The following RBFOX3 variants were observed in gnomAD, a reference collection of about 807,000 sequenced individuals.
RBFOX3 encodes the protein RNA binding fox-1 homolog 3.
A neutral mutation model predicts 48.7 loss-of-function variants in RBFOX3; 17 were observed. That is an observed-to-expected ratio of 0.35 (90% confidence interval 0.24 to 0.52). The LOEUF is 0.52. Ranked by LOEUF, RBFOX3 falls within the 20% of genes least tolerant of loss-of-function variation. The pLI, the probability that RBFOX3 is intolerant of heterozygous loss-of-function variation, is 0.94. For synonymous variants in RBFOX3, 212 were observed against 209.5 expected (o/e 1.01, Z -0.10); for missense variants, 382 against 497.5 (o/e 0.77, Z 2.21).
intron 2 of RBFOX3, among the ~76,000 whole-genome samples, chr17:79,374,337 G>A (rs2058958016): frequency 6.6e-6 from 1 of 152,218 alleles, no homozygotes; most frequent in East Asian, 1.9e-4. Flanking sequence ...GAGGGGGCTG[G>A]TGTGTGGGTG....
intron 3 of RBFOX3, among the ~76,000 whole-genome samples, chr17:79,253,596 A>G (rs527310141): frequency 1.3e-5 from 2 of 152,348 alleles, no homozygotes; most frequent in South Asian, 4.1e-4. Flanking sequence ...AGTGAGCAAC[A>G]GCCCTGAGTT....
chr17:79,505,803 G>A (rs963882609), intron 1 of RBFOX3, among the ~76,000 whole-genome samples: 3 of 152,180 alleles, frequency 2.0e-5, no homozygotes, highest in South Asian at 4.1e-4. Flanking sequence ...GATCTCTATC[G>A]CTGCTATTAA....
At chr17:79,292,604 A>AC (rs1485777177) in intron 3 of RBFOX3, among the ~76,000 whole-genome samples, 5 of 85,952 alleles carry the variant, frequency 5.8e-5, no homozygotes, top group African/African-American at 1.9e-4. Context: ...ACACACGCAC[A>AC]CACACACACA....
At chr17:79,525,639 G>A (rs1441613235) in intron 1 of RBFOX3, among the ~76,000 whole-genome samples, 1 of 152,194 alleles carries the variant, frequency 6.6e-6, no homozygotes, top group Non-Finnish European at 1.5e-5. Context: ...GGCTTGCCAG[G>A]AGCTCGATGT....
intron 2 of RBFOX3, among the ~76,000 whole-genome samples, chr17:79,323,854 C>A (rs2078920695): frequency 6.6e-6 from 1 of 152,226 alleles, no homozygotes; most frequent in South Asian, 2.1e-4. Context: ...CGAATGGAGA[C>A]CAATTGTTTG....
At chr17:79,510,069 C>T (rs987082977) in intron 1 of RBFOX3, among the ~76,000 whole-genome samples, 1 of 152,202 alleles carries the variant, frequency 6.6e-6, no homozygotes, top group Non-Finnish European at 1.5e-5. Context: ...CCTCAAGTGG[C>T]GGCGTGAATG....
At chr17:79,221,690 C>A (rs945591844) in intron 4 of RBFOX3, among the ~76,000 whole-genome samples, 7 of 152,144 alleles carry the variant, frequency 4.6e-5, no homozygotes, top group Non-Finnish European at 7.3e-5. Context: ...GTCACTCCTT[C>A]CATGGGGACC....
At chr17:79,285,161 C>T (rs4789994) in intron 3 of RBFOX3, among the ~76,000 whole-genome samples, 72,610 of 152,008 alleles carry the variant, frequency 0.48, 17,748 homozygotes, top group East Asian at 0.62. Context: ...GCAGGCACAT[C>T]GCAAAGAACA....
At chr17:79,570,768 C>CTCAGGGGA (rs2092647676) in intron 1 of RBFOX3, among the ~76,000 whole-genome samples, 1 of 152,214 alleles carries the variant, frequency 6.6e-6, no homozygotes, top group South Asian at 2.1e-4. Context: ...TCTCGGGTGG[C>CTCAGGGGA]TCAGGGGATC....
At chr17:79,387,552 G>C (rs1034773931) in intron 2 of RBFOX3, among the ~76,000 whole-genome samples, 1 of 152,262 alleles carries the variant, frequency 6.6e-6, no homozygotes, top group Admixed American at 6.5e-5. Flanking sequence ...GCATGGGCTG[G>C]ATGAGAAAGC....
At chr17:79,518,945 C>T (rs1464497125) in intron 1 of RBFOX3, among the ~76,000 whole-genome samples, 1 of 152,214 alleles carries the variant, frequency 6.6e-6, no homozygotes, top group African/African-American at 2.4e-5. Context: ...AAGGGAGGGC[C>T]GAGGCGGCCA....
intron 2 of RBFOX3, among the ~76,000 whole-genome samples, chr17:79,350,524 T>C (rs1351563377): frequency 2.0e-5 from 3 of 152,222 alleles, no homozygotes; most frequent in Admixed American, 2.0e-4. Context: ...ATCCTGATTT[T>C]AGCAGTGAAA....
At chr17:79,463,038 TC>T (rs2075613088) in intron 2 of RBFOX3, among the ~76,000 whole-genome samples, 1 of 51,576 alleles carries the variant, frequency 1.9e-5, no homozygotes. Context: ...TCCACCACCA[TC>T]GCCACTGCCA....
At position 79,370,639 on chromosome 17, in the gene RBFOX3, CATACAT is replaced by C. The variant is rs547072030; in HGVS notation, c.-174-62821_-174-62816del. On this transcript the variant is annotated intron_variant, in intron 2 of 14. Coordinates refer to ENST00000693108, the MANE Select transcript of RBFOX3 (RefSeq NM_001350451.2). Reference sequence around the variant, plus strand: ...ATGCACAGTCACATACACTAACATACATACATATGTGTGCTCACTCACACAGGCACA... The same window carrying C: ...ATGCACAGTCACATACACTAACATACATGTGTGCTCACTCACACAGGCACA... Among the ~76,000 whole-genome samples the C allele has an allele frequency of 4.0e-4, 61 of 151,978 alleles. No individual in the cohort carries two copies. The East Asian group carries it at 8.1e-3, about 20-fold the overall frequency.
At chr17:79,402,067 C>G (rs2062880851) in intron 2 of RBFOX3, among the ~76,000 whole-genome samples, 1 of 152,212 alleles carries the variant, frequency 6.6e-6, no homozygotes, top group Non-Finnish European at 1.5e-5. Flanking sequence ...TGGCCCACCA[C>G]CAGGAGCCCA....
At chr17:79,566,363 C>T (rs992930531) in intron 1 of RBFOX3, among the ~76,000 whole-genome samples, 25 of 152,216 alleles carry the variant, frequency 1.6e-4, no homozygotes, top group African/African-American at 4.3e-4. Context: ...AAAGAGCCTT[C>T]CTCAGTAGCT....
intron 1 of RBFOX3, among the ~76,000 whole-genome samples, chr17:79,520,804 C>A (rs1356825395): frequency 1.3e-5 from 2 of 152,300 alleles, no homozygotes; most frequent in South Asian, 2.1e-4. Flanking sequence ...CACACAGCCT[C>A]CCCCGGCAGA....
rs1234644937 is a variant in RBFOX3, at chr17:79,395,744, A to G, written c.-175+86710T>C. ...GGCAGAAGCGCCTTGCCCAAGGTCA[A>G]CAACAGCAAGTGGCTGAGCCGTGAC... On this transcript the variant is annotated intron_variant, in intron 2 of 14. Coordinates refer to ENST00000693108, the MANE Select transcript of RBFOX3 (RefSeq NM_001350451.2). Among the ~76,000 whole-genome samples the G allele has an allele frequency of 4.6e-5, 7 of 152,346 alleles. 1 individual carries two copies. The East Asian group carries it at 1.3e-3, about 29-fold the overall frequency.
chr17:79,524,826 C>T (rs1172539588), intron 1 of RBFOX3, among the ~76,000 whole-genome samples: 1 of 151,790 alleles, frequency 6.6e-6, no homozygotes, highest in Non-Finnish European at 1.5e-5. Flanking sequence ...AATGAATATG[C>T]CTCCGCCCCA....
Sources: gnomAD v4.1 joint callset for allele counts (sites outside exome capture counted in the v4.1 genomes callset) on GRCh38, gnomAD v4.1.1 for gene constraint, MANE v1.5 for transcripts, NCBI Gene and HGNC (gene_info 2026-07-23, HGNC 2026-07-21) for gene names.